The following TBXAS1 variants were observed in gnomAD, a reference collection of about 807,000 sequenced individuals.
TBXAS1 encodes the protein thromboxane A synthase 1, also known as thromboxane-A synthase.
A neutral mutation model predicts 60.7 loss-of-function variants in TBXAS1; 48 were observed. The ratio of observed to expected loss-of-function variants is 0.79; its 90% confidence interval spans 0.63 to 1.01. The LOEUF is 1.01. Among genes scored for constraint, TBXAS1 ranks in the 50% least tolerant of loss-of-function variants. The probability of loss-of-function intolerance (pLI) is 0.00; values close to 1 mark genes in which losing one functional copy is unlikely to be tolerated. For synonymous variants in TBXAS1, 287 were observed against 269.7 expected (o/e 1.06, Z -0.63); for missense variants, 685 against 686.3 (o/e 1.00, Z 0.02).
chr7:139,943,182 A>T (rs926479258), intron 5 of TBXAS1, among the ~76,000 whole-genome samples: 6 of 152,142 alleles, frequency 3.9e-5, no homozygotes, highest in Non-Finnish European at 8.8e-5. Context: ...TTATTTCTTA[A>T]TCCTCCTGAA....
At chr7:139,984,189 A>G (rs1812167993) in intron 9 of TBXAS1, among the ~76,000 whole-genome samples, 1 of 152,222 alleles carries the variant, frequency 6.6e-6, no homozygotes, top group Admixed American at 6.5e-5. Flanking sequence ...TTTAAAGGGG[A>G]TAATAATAGC....
At chr7:139,843,746 T>C (rs1335903686) in intron 1 of TBXAS1, among the ~76,000 whole-genome samples, 1 of 152,230 alleles carries the variant, frequency 6.6e-6, no homozygotes, top group Non-Finnish European at 1.5e-5. Context: ...CTCTACATAG[T>C]AGCTGCTCAG....
intron 12 of TBXAS1, among the ~76,000 whole-genome samples, chr7:140,018,897 C>T (rs10274277): frequency 0.022 from 3,327 of 152,218 alleles, 114 homozygotes; most frequent in African/African-American, 0.075. Flanking sequence ...AAACGGGGGT[C>T]CTCACCCAGA....
intron 3 of TBXAS1, among the ~76,000 whole-genome samples, chr7:139,910,770 T>G (rs1437709960): frequency 2.6e-5 from 4 of 152,370 alleles, no homozygotes; most frequent in African/African-American, 9.6e-5. Context: ...CACTTTAGAC[T>G]TTTTCTGAGA....
At chr7:139,900,084 C>T (rs558050141) in intron 3 of TBXAS1, among the ~76,000 whole-genome samples, 16 of 152,282 alleles carry the variant, frequency 1.1e-4, no homozygotes, top group African/African-American at 3.6e-4. Context: ...TAAATGCTAA[C>T]GATTGTTGTT....
intron 3 of TBXAS1, among the ~76,000 whole-genome samples, chr7:139,909,244 T>C (rs1805330997): frequency 6.6e-6 from 1 of 152,222 alleles, no homozygotes; most frequent in African/African-American, 2.4e-5. Context: ...TCAGCTGTTA[T>C]TTCTTCAAGC....
At chr7:139,867,016 G>C (rs1457203258) in intron 1 of TBXAS1, among the ~76,000 whole-genome samples, 1 of 152,212 alleles carries the variant, frequency 6.6e-6, no homozygotes, top group Admixed American at 6.5e-5. Flanking sequence ...TTAAGGATCT[G>C]TTTCTAATAA....
intron 5 of TBXAS1, among the ~76,000 whole-genome samples, chr7:139,951,888 AAGGAAGGAAG>A (rs1809346071): frequency 3.1e-5 from 1 of 32,064 alleles, no homozygotes; most frequent in African/African-American, 1.5e-4. Flanking sequence ...GGAAAGAAGG[AAGGAAGGAAG>A]GAAAGAAAGA....
chr7:139,885,598 T>C (rs1217666254), intron 3 of TBXAS1, among the ~76,000 whole-genome samples: 1 of 152,226 alleles, frequency 6.6e-6, no homozygotes, highest in Admixed American at 6.5e-5. Flanking sequence ...AGAATGCAAA[T>C]AGCATTCCTA....
At chr7:140,014,440 A>C (rs1164642362) in intron 10 of TBXAS1, among the ~76,000 whole-genome samples, 1 of 152,108 alleles carries the variant, frequency 6.6e-6, no homozygotes, top group African/African-American at 2.4e-5. Context: ...CTTAGGAGAT[A>C]ATGGAAGTTG....
chr7:139,814,638 G>T (rs1798103276), intron 4 of TBXAS1, among the ~76,000 whole-genome samples: 1 of 152,162 alleles, frequency 6.6e-6, no homozygotes, highest in African/African-American at 2.4e-5. Flanking sequence ...ATATGACACA[G>T]ATTCTAGAGC....
At chr7:139,875,030 G>A (rs150713340) in intron 2 of TBXAS1, among the ~76,000 whole-genome samples, 2,338 of 152,304 alleles carry the variant, frequency 0.015, 34 homozygotes, top group African/African-American at 0.034. Flanking sequence ...GGGAGGTGGA[G>A]GTTGCAACGA....
At chr7:139,785,799 C>T (rs1797172827) in intron 3 of TBXAS1, among the ~76,000 whole-genome samples, 1 of 151,986 alleles carries the variant, frequency 6.6e-6, no homozygotes, top group African/African-American at 2.4e-5. Flanking sequence ...TCTCATCTCC[C>T]ACTCTTGCAT....
intron 3 of TBXAS1, among the ~76,000 whole-genome samples, chr7:139,877,413 TTTG>T (rs561204330): frequency 3.9e-5 from 6 of 152,294 alleles, no homozygotes; most frequent in South Asian, 2.1e-4. Context: ...GTTTTTGTTT[TTTG>T]TTGTTGTTGT....
intron 4 of TBXAS1, 86 bp from the exon 5 acceptor site, chr7:139,936,105 C>G: frequency 8.0e-7 from 1 of 1,252,328 alleles, no homozygotes. Flanking sequence ...TGGACTTTAA[C>G]CAGGGTGTTT....
chr7:139,905,685 G>A (rs1186096727), intron 3 of TBXAS1, among the ~76,000 whole-genome samples: 1 of 152,156 alleles, frequency 6.6e-6, no homozygotes, highest in African/African-American at 2.4e-5. Context: ...AGTGTGAAAA[G>A]TATTGGTACC....
intron 4 of TBXAS1, among the ~76,000 whole-genome samples, chr7:139,799,111 C>T (rs1236039145): frequency 1.3e-5 from 2 of 149,732 alleles, no homozygotes; most frequent in Non-Finnish European, 3.0e-5. Context: ...TCTCACTCTG[C>T]CACCCAGAGT....
upstream of TBXAS1, among the ~76,000 whole-genome samples, chr7:139,824,830 T>TTTCC (rs1798395187): frequency 2.3e-5 from 3 of 128,384 alleles, 1 homozygote; most frequent in Admixed American, 1.6e-4. Flanking sequence ...TTTCCTTTTC[T>TTTCC]TTTTTTTTTT....
chr7:139,877,493 G>T (rs1802333563), intron 3 of TBXAS1, among the ~76,000 whole-genome samples: 1 of 152,072 alleles, frequency 6.6e-6, no homozygotes, highest in South Asian at 2.1e-4. Flanking sequence ...CATGATCTCA[G>T]CTCACTGCAA....
Sources: allele counts gnomAD v4.1 joint callset (sites outside exome capture counted in the v4.1 genomes callset), GRCh38; gene constraint gnomAD v4.1.1; transcripts MANE v1.5; gene names NCBI Gene and HGNC (gene_info 2026-07-23, HGNC 2026-07-21).